Variants in PITPNC1 observed in about 807,000 individuals in gnomAD.
PITPNC1 encodes phosphatidylinositol transfer protein cytoplasmic 1, also known as cytoplasmic phosphatidylinositol transfer protein 1.
A neutral mutation model predicts 44.7 loss-of-function variants in PITPNC1; 18 were observed. That is an observed-to-expected ratio of 0.40 (90% CI 0.28 to 0.60). The LOEUF (loss-of-function observed/expected upper bound fraction) is 0.60, where lower values mean the gene tolerates loss of function less well. PITPNC1 is among the 20% of genes least tolerant of loss of function. The pLI is 0.39. For missense variants in PITPNC1, 290 were observed against 418.4 expected, an observed-to-expected ratio of 0.69 and a Z score of 2.68; for synonymous variants, 141 against 149.6, an observed-to-expected ratio of 0.94 and a Z score of 0.42.
intron 5 of PITPNC1, among the ~76,000 whole-genome samples, chr17:67,583,560 C>T (rs1258961319): frequency 3.5e-5 from 5 of 142,220 alleles, no homozygotes; most frequent in African/African-American, 1.3e-4. Flanking sequence ...TGCACTCCAG[C>T]ATGGGCAACA....
At chr17:67,586,853 T>C (rs76176409) in intron 5 of PITPNC1, among the ~76,000 whole-genome samples, 2,526 of 152,298 alleles carry the variant, frequency 0.017, 32 homozygotes, top group South Asian at 0.042. Flanking sequence ...AAGGCAAGAC[T>C]GGAAGCAGGG....
chr17:67,661,994 C>CATA (rs59557224), intron 6 of PITPNC1, among the ~76,000 whole-genome samples: 94 of 150,958 alleles, frequency 6.2e-4, no homozygotes, highest in African/African-American at 1.8e-3. Flanking sequence ...GACTCCATCT[C>CATA]ATAATAATAA....
At chr17:67,467,739 G>A (rs7216716) in intron 1 of PITPNC1, among the ~76,000 whole-genome samples, 43,490 of 152,026 alleles carry the variant, frequency 0.29, 9,620 homozygotes, top group African/African-American at 0.62. Flanking sequence ...TTGCCTTTGG[G>A]CCTTGTGTCA....
chr17:67,579,211 T>C (rs2041193204), intron 5 of PITPNC1, among the ~76,000 whole-genome samples: 1 of 152,244 alleles, frequency 6.6e-6, no homozygotes, highest in Admixed American at 6.5e-5. Context: ...ACCTGGCTTT[T>C]ACCCCCAGGC....
intron 1 of PITPNC1, among the ~76,000 whole-genome samples, chr17:67,451,412 T>A (rs1218597711): frequency 6.6e-6 from 1 of 152,122 alleles, no homozygotes; most frequent in African/African-American, 2.4e-5. Flanking sequence ...CAAAAGCTCT[T>A]AAGTTTTAGT....
chr17:67,509,062 C>T (rs1193021235), intron 1 of PITPNC1, among the ~76,000 whole-genome samples: 4 of 151,236 alleles, frequency 2.6e-5, no homozygotes, highest in African/African-American at 7.3e-5. Flanking sequence ...GGTGAAACTC[C>T]GTCTCTACTA....
At chr17:67,389,028 C>G (rs1491003893) in intron 1 of PITPNC1, among the ~76,000 whole-genome samples, 3 of 152,246 alleles carry the variant, frequency 2.0e-5, no homozygotes, top group East Asian at 1.9e-4. Context: ...GGATTCTCTG[C>G]TCAGGGTCTC....
Position 67,457,278 on chromosome 17 carries a change from C to T in PITPNC1, c.49-75524C>T, listed in dbSNP as rs533196902. ...AGTTGCTGGGACTATAGTCTCGTGC[C>T]GCCAAACCCTGCTCAGCTCTCATTT... On this transcript the variant is annotated intron_variant, in intron 1 of 8. Transcript: ENST00000581322. The T allele has an allele frequency of 7.2e-5, 11 of 152,416 alleles. No individual in the cohort carries two copies. The East Asian group carries it at 1.2e-3, about 16-fold the overall frequency. 9.4% of individuals were successfully genotyped at this position (152,416 alleles called of 1,614,324 possible). A position where few individuals can be genotyped will look rare whatever the true frequency, so the allele number is the denominator to read the frequency against.
In PITPNC1 at chr17:67,696,716, T is replaced by G. The variant is rs1290013394; in HGVS notation, c.*3828T>G. 6.6e-6 allele frequency: 1 copy of G among 152,264 alleles called. No individual in the cohort carries two copies. Among genetic ancestry groups the G allele is most frequent in the East Asian group, 1.9e-4 (1 of 5,204 alleles). 9.4% of individuals were successfully genotyped at this position (152,264 alleles called of 1,614,324 possible). The stretch of plus-strand genomic sequence containing the variant: ...ACATTGGGTTCTTTTGTGTTCTACC[T>G]TCAAAACAATCTGTTTGCATTTGAA... On this transcript the variant is annotated 3_prime_UTR_variant, in exon 9 of 9. Transcript: ENST00000581322.
Position 67,423,749 on chromosome 17 carries a change from C to T in PITPNC1, c.48+45547C>T, listed in dbSNP as rs954800151. ...AGAAAGTTGCTAAAGAAAAGAAGAG[C>T]GTTTCTGTGGCTCCTTCAAGAGCAG... On this transcript the variant is annotated intron_variant, in intron 1 of 8. Transcript: ENST00000581322. Among the ~76,000 whole-genome samples, 13 of 152,174 alleles carry T rather than the reference C, an allele frequency of 8.5e-5. No homozygotes were observed. In the South Asian group the frequency reaches 1.5e-3, roughly 17 times the overall value.
chr17:67,465,737 C>T (rs561316509), intron 1 of PITPNC1, among the ~76,000 whole-genome samples: 3 of 152,260 alleles, frequency 2.0e-5, no homozygotes, highest in East Asian at 3.9e-4. Context: ...TTGGGAAGCA[C>T]TGGAGACCTT....
At chr17:67,485,917 G>T (rs1357089316) in intron 1 of PITPNC1, among the ~76,000 whole-genome samples, 1 of 152,140 alleles carries the variant, frequency 6.6e-6, no homozygotes, top group Non-Finnish European at 1.5e-5. Context: ...TTAATAACTT[G>T]CGTATTAAAG....
chr17:67,556,262 G>A (rs1429404309), intron 4 of PITPNC1, among the ~76,000 whole-genome samples: 1 of 152,192 alleles, frequency 6.6e-6, no homozygotes, highest in African/African-American at 2.4e-5. Context: ...TGGGAGACAG[G>A]AAGAAAAGTA....
intron 1 of PITPNC1, among the ~76,000 whole-genome samples, chr17:67,523,043 A>G (rs1030768711): frequency 2.0e-5 from 3 of 152,216 alleles, no homozygotes; most frequent in Admixed American, 1.3e-4. Context: ...CATCATCACC[A>G]TCTACCTCCA....
intron 1 of PITPNC1, among the ~76,000 whole-genome samples, chr17:67,532,521 A>G (rs1377647954): frequency 6.6e-6 from 1 of 152,048 alleles, no homozygotes; most frequent in Non-Finnish European, 1.5e-5. Context: ...CCCCCTTCCC[A>G]AGGTTTGGTC....
At chr17:67,643,912 A>C (rs1057039328) in intron 6 of PITPNC1, among the ~76,000 whole-genome samples, 7 of 152,102 alleles carry the variant, frequency 4.6e-5, no homozygotes, top group Non-Finnish European at 1.0e-4. Context: ...GGCCACCGTG[A>C]GTGGCGTCAC....
intron 6 of PITPNC1, 50 bp downstream of exon 6, chr17:67,632,288 C>A: frequency 8.5e-7 from 1 of 1,180,804 alleles, no homozygotes; most frequent in Non-Finnish European, 1.3e-6. Context: ...TTCATTCATT[C>A]CACAACTATT....
At chr17:67,482,669 T>TA (rs1019154657) in intron 1 of PITPNC1, among the ~76,000 whole-genome samples, 2 of 152,288 alleles carry the variant, frequency 1.3e-5, no homozygotes, top group African/African-American at 2.4e-5. Context: ...AGGGAGACAG[T>TA]AGGAACCATT....
intron 1 of PITPNC1, among the ~76,000 whole-genome samples, chr17:67,465,035 G>T (rs915743230): frequency 1.3e-5 from 2 of 152,182 alleles, no homozygotes; most frequent in Non-Finnish European, 2.9e-5. Flanking sequence ...CACCACACCC[G>T]GCCACAACTC....
Sources: allele counts gnomAD v4.1 joint callset (sites outside exome capture counted in the v4.1 genomes callset), GRCh38; gene constraint gnomAD v4.1.1; transcripts MANE v1.5; gene names NCBI Gene and HGNC (gene_info 2026-07-23, HGNC 2026-07-21).